The following AP3S1 variants were observed in gnomAD, a reference collection of about 807,000 sequenced individuals.
The protein encoded by AP3S1 is adaptor related protein complex 3 subunit sigma 1.
AP3S1 carries 12 observed loss-of-function variants against 21.3 expected under a neutral mutation model. The ratio of observed to expected loss-of-function variants is 0.56; its 90% CI spans 0.36 to 0.91. The LOEUF is 0.91. AP3S1 is among the 40% of genes least tolerant of loss of function. The pLI, the probability that AP3S1 is intolerant of heterozygous loss-of-function variation, is 0.01. For synonymous variants in AP3S1, 48 were observed against 78.4 expected (o/e 0.61, Z 2.05); for missense variants, 116 against 225.0 (o/e 0.52, Z 3.10).
At chr5:115,867,675 C>G (rs915234308) in intron 2 of AP3S1, among the ~76,000 whole-genome samples, 1 of 152,148 alleles carries the variant, frequency 6.6e-6, no homozygotes, top group African/African-American at 2.4e-5. Flanking sequence ...CTCAAGGCTT[C>G]TAATTTAATA....
rs138671829 is a variant in AP3S1, at chr5:115,895,012, A to G, written c.274-75A>G. The stretch of plus-strand genomic sequence containing the variant: ...AATACAAAATTTTAGTTCATAATTA[A>G]GAATTGCCTTCCTTATAGATAATAG... On this transcript the variant is annotated intron_variant, in intron 3 of 5. Transcript: ENST00000316788. 1.5e-4 allele frequency: 143 copies of G among 959,232 alleles called. 1 individual carries two copies. In the East Asian group the frequency reaches 3.9e-3, roughly 26 times the overall value. The allele number at this position is 959,232 out of a possible 1,614,324, so 59.4% of individuals were successfully genotyped here. A position where few individuals can be genotyped will look rare whatever the true frequency, so the allele number is the denominator to read the frequency against.
intron 2 of AP3S1, among the ~76,000 whole-genome samples, chr5:115,869,569 A>C (rs1235754765): frequency 6.6e-6 from 1 of 152,202 alleles, no homozygotes; most frequent in African/African-American, 2.4e-5. Flanking sequence ...GCTCTTCTCT[A>C]AATTTTTTCC....
chr5:115,875,598 T>A (rs1043493220), intron 3 of AP3S1, among the ~76,000 whole-genome samples: 1 of 152,198 alleles, frequency 6.6e-6, no homozygotes, highest in African/African-American at 2.4e-5. Context: ...GAACCAACTC[T>A]TGGTCCCAGA....
At chr5:115,902,474 A>C (rs1751296528) in intron 4 of AP3S1, among the ~76,000 whole-genome samples, 1 of 152,194 alleles carries the variant, frequency 6.6e-6, no homozygotes, top group Non-Finnish European at 1.5e-5. Context: ...TGAGTGTAAA[A>C]TAATAACCTA....
chr5:115,905,897 G>A (rs558591972), intron 5 of AP3S1, among the ~76,000 whole-genome samples: 3 of 152,352 alleles, frequency 2.0e-5, no homozygotes, highest in African/African-American at 7.2e-5. Context: ...GCTCACGCCT[G>A]TAATCCCAGC....
intron 3 of AP3S1, among the ~76,000 whole-genome samples, chr5:115,890,820 C>G (rs1222483665): frequency 6.6e-6 from 1 of 152,006 alleles, no homozygotes; most frequent in Non-Finnish European, 1.5e-5. Context: ...TGGTATCATC[C>G]CAGGCTGTCT....
intron 3 of AP3S1, among the ~76,000 whole-genome samples, chr5:115,875,663 C>G (rs75187479): frequency 0.03 from 4,592 of 152,218 alleles, 249 homozygotes; most frequent in African/African-American, 0.11. Flanking sequence ...GATTCCTGGC[C>G]TAGCGAGCTT....
rs757546858 is a variant in AP3S1, at chr5:115,895,131, G to A, written c.318G>A (p.Glu106=). ...TLDKCFENVC[E]LDLIFHVDKV... is the part of the protein sequence containing the mutation. Reference sequence around the variant, plus strand: ...ACAAATGTTTTGAAAATGTCTGTGAGCTGGATTTGATTTTCCATGTAGACA... The same window carrying A: ...ACAAATGTTTTGAAAATGTCTGTGAACTGGATTTGATTTTCCATGTAGACA... Residue 106 remains glutamate (E), a synonymous_variant, in exon 4 of 6, where the codon GAG becomes GAA. Coordinates refer to ENST00000316788, the MANE Select transcript of AP3S1 (RefSeq NM_001284.4). 1.2e-6 allele frequency: 2 copies of A among 1,605,628 alleles called. No individual in the cohort carries two copies. The highest frequency in any genetic ancestry group is 3.4e-5 in the Admixed American group (2 of 59,406).
At chr5:115,891,871 C>T (rs1391138397) in intron 3 of AP3S1, among the ~76,000 whole-genome samples, 1 of 152,222 alleles carries the variant, frequency 6.6e-6, no homozygotes, top group East Asian at 1.9e-4. Context: ...GGGAGCCCAC[C>T]TCTTGCATCA....
chr5:115,897,403 T>C (rs1014416234), intron 4 of AP3S1, among the ~76,000 whole-genome samples: 2 of 152,152 alleles, frequency 1.3e-5, no homozygotes, highest in African/African-American at 4.8e-5. Flanking sequence ...ATCAAATAAG[T>C]GTTTCCTTTC....
At chr5:115,905,183 A>T (rs763124564) in intron 5 of AP3S1, among the ~76,000 whole-genome samples, 10 of 152,288 alleles carry the variant, frequency 6.6e-5, no homozygotes, top group Admixed American at 1.3e-4. Flanking sequence ...GTTATGAAGG[A>T]CCTATAATTA....
chr5:115,858,342 T>G (rs1255338074), intron 1 of AP3S1, among the ~76,000 whole-genome samples: 1 of 152,236 alleles, frequency 6.6e-6, no homozygotes. Context: ...GATTATATGC[T>G]TCATCACCTT....
chr5:115,846,576 T>C (rs1269885474), intron 1 of AP3S1, among the ~76,000 whole-genome samples: 2 of 151,398 alleles, frequency 1.3e-5, no homozygotes, highest in Non-Finnish European at 2.9e-5. Context: ...TTTTTTTAAA[T>C]CTTAACATAA....
intron 3 of AP3S1, among the ~76,000 whole-genome samples, chr5:115,894,051 G>A (rs970218772): frequency 1.6e-4 from 25 of 152,132 alleles, no homozygotes; most frequent in Admixed American, 5.9e-4. Context: ...GATTTACTGG[G>A]ATGCACTGGA....
rs148659638 is a variant in AP3S1 at position 115,911,379 on chromosome 5, C to A, written c.454-1983C>A. On this transcript the variant is annotated intron_variant, in intron 5 of 5. Coordinates refer to ENST00000316788, the MANE Select transcript of AP3S1 (RefSeq NM_001284.4). ...CAATTTCTCTCACAATAATAAAATC[C>A]CTTAATAATTCACACCTTTAAAATA... Among the ~76,000 whole-genome samples, 744 of 151,778 alleles carry A rather than the reference C, an allele frequency of 4.9e-3. 2 individuals are homozygous for A. The highest frequency in any genetic ancestry group is 7.9e-3 in the Non-Finnish European group (533 of 67,792).
At chr5:115,891,449 G>T (rs1395170276) in intron 3 of AP3S1, among the ~76,000 whole-genome samples, 1 of 152,158 alleles carries the variant, frequency 6.6e-6, no homozygotes, top group African/African-American at 2.4e-5. Context: ...AGTAGGTTGT[G>T]ACCTGTACTT....
intron 1 of AP3S1, among the ~76,000 whole-genome samples, chr5:115,865,581 T>G (rs1250843407): frequency 6.6e-6 from 1 of 152,232 alleles, no homozygotes; most frequent in East Asian, 1.9e-4. Flanking sequence ...AGAGTTTCTT[T>G]GGCTCTACAT....
chr5:115,879,999 T>A (rs1247636867), intron 3 of AP3S1, among the ~76,000 whole-genome samples: 1 of 152,226 alleles, frequency 6.6e-6, no homozygotes, highest in Non-Finnish European at 1.5e-5. Context: ...TGCGTAGAGT[T>A]GTTTATAGTA....
chr5:115,907,010 T>C (rs779512661), intron 5 of AP3S1: 40 of 1,240,584 alleles, frequency 3.2e-5, no homozygotes, highest in Non-Finnish European at 4.0e-5. Context: ...TAGTTTCTCC[T>C]TGTAGTTTCT....
Sources: allele counts gnomAD v4.1 joint callset (sites outside exome capture counted in the v4.1 genomes callset), GRCh38; gene constraint gnomAD v4.1.1; transcripts MANE v1.5; gene names NCBI Gene and HGNC (gene_info 2026-07-23, HGNC 2026-07-21).